Variants in ARMCX4 observed in about 807,000 individuals in gnomAD.
ARMCX4 encodes armadillo repeat-containing X-linked protein 4.
A neutral mutation model predicts 34.7 loss-of-function variants in ARMCX4; 3 were observed. The ratio of observed to expected loss-of-function variants is 0.09; its 90% CI spans 0.04 to 0.22. The LOEUF (loss-of-function observed/expected upper bound fraction) is 0.22. ARMCX4 is among the 10% of genes least tolerant of loss of function. The probability of loss-of-function intolerance (pLI) is 1.00; values close to 1 mark genes in which losing one functional copy is unlikely to be tolerated. For missense variants in ARMCX4, 1,448 were observed against 1,720.8 expected (o/e 0.84, Z 2.81); for synonymous variants, 513 against 632.8 (o/e 0.81, Z 2.84).
chrX:101,525,785 G>A (rs1324340713), intron 11 of ARMCX4, among the ~76,000 whole-genome samples: 1 of 111,285 alleles, frequency 9.0e-6, no homozygotes, highest in East Asian at 2.8e-4. Flanking sequence ...GAAGTGAGAA[G>A]AGAAGTTCAG....
In ARMCX4 at chrX:101,492,425, C is replaced by T. The variant is rs1556009732; in HGVS notation, c.3836C>T (p.Ala1279Val). 8.7e-7 allele frequency: 1 copy of T among 1,152,104 alleles called. No homozygotes were observed. Among genetic ancestry groups the T allele is most frequent in the African/African-American group, 1.8e-5 (1 of 55,044 alleles). The allele number at this position is 1,152,104 out of a possible 1,213,427, so 94.9% of individuals were successfully genotyped here. ...AENQASEGSWAGAGAGNMSSV... is the reference protein window; with the variant it reads ...AENQASEGSWVGAGAGNMSSV... ...AACCAAGCCAGTGAAGGGTCTTGGGCTGGAGCTGGGGCTGGGAATATGAGT... is the reference window on the plus strand; with the variant it reads ...AACCAAGCCAGTGAAGGGTCTTGGGTTGGAGCTGGGGCTGGGAATATGAGT... Residue 1279 changes from alanine (A) to valine (V), a missense_variant, in exon 6 of 6, where the codon GCT becomes GTT. Transcript: ENST00000423738.
downstream of ARMCX4, among the ~76,000 whole-genome samples, chrX:101,446,320 G>A (rs925875690): frequency 9.0e-6 from 1 of 110,738 alleles, no homozygotes; most frequent in African/African-American, 3.3e-5. Context: ...AATTTTACCT[G>A]TAAGCTATGC....
chrX:101,425,193 C>A (rs976614764), intron 2 of ARMCX4, among the ~76,000 whole-genome samples: 1 of 111,536 alleles, frequency 9.0e-6, no homozygotes, highest in Non-Finnish European at 1.9e-5. Context: ...AAGAAAGAAA[C>A]TGTTTCAAGA....
At chrX:101,505,437 G>A (rs1556014916) in intron 8 of ARMCX4, 1 of 111,871 alleles carries the variant, frequency 8.9e-6, no homozygotes, top group East Asian at 2.8e-4. Context: ...CTAAGACACT[G>A]TGGGACTTCC....
Position 101,489,327 on chromosome X carries a change from T to C in ARMCX4, c.738T>C (p.Ala246=), listed in dbSNP as rs987317859. 4.3e-6 allele frequency: 5 copies of C among 1,153,878 alleles called. No individual in the cohort carries two copies. The highest frequency in any genetic ancestry group is 4.7e-4 in the Middle Eastern group (2 of 4,300). ...CTCTGGAAGAGACTGTGAGTGTGGC[T>C]AAGACTCAGTCTGAGGCCAGGCCTG... ...TRALEETVSV[A]KTQSEARPGA... Residue 246 remains alanine, a synonymous_variant, in exon 6 of 6, where the codon GCT becomes GCC. Coordinates refer to ENST00000423738, the MANE Select transcript of ARMCX4 (RefSeq NM_001256155.3).
chrX:101,432,987 CAT>C (rs199677881), intron 2 of ARMCX4, among the ~76,000 whole-genome samples: 440 of 39,597 alleles, frequency 0.011, 13 homozygotes, highest in African/African-American at 0.026. Flanking sequence ...TATATACACA[CAT>C]GTATACATAT....
chrX:101,508,505 A>G (rs1163131678), intron 8 of ARMCX4, among the ~76,000 whole-genome samples: 2 of 110,835 alleles, frequency 1.8e-5, no homozygotes, highest in East Asian at 5.7e-4. Flanking sequence ...AAGGACACCA[A>G]TCCTATCAGA....
intron 11 of ARMCX4, among the ~76,000 whole-genome samples, chrX:101,521,285 G>T (rs187247593): frequency 7.2e-5 from 8 of 111,432 alleles, no homozygotes; most frequent in African/African-American, 2.6e-4. Context: ...TCTTTAGTCA[G>T]TTTTGGTAAT....
intron 4 of ARMCX4, among the ~76,000 whole-genome samples, chrX:101,466,287 C>T (rs1448284041): frequency 8.9e-6 from 1 of 111,942 alleles, no homozygotes; most frequent in Admixed American, 9.5e-5. Context: ...TCATATGATT[C>T]TAGTGGGAAT....
chrX:101,490,572 G>GGAA lies in ARMCX4; in HGVS notation c.1985_1987dup (p.Glu662dup). 1.7e-6 allele frequency: 2 copies of GGAA among 1,156,261 alleles called. No individual in the cohort carries two copies. The highest frequency in any genetic ancestry group is 2.3e-6 in the Non-Finnish European group (2 of 872,990). On this transcript the variant is annotated inframe_insertion, in exon 6 of 6. Transcript: ENST00000423738. The stretch of plus-strand genomic sequence containing the variant: ...ATGTTGTGCTTAAGGCAGAAGTTGG[G>GGAA]GAAGGTGCAATGGGCACTGCCCAGC...
intron 3 of ARMCX4, among the ~76,000 whole-genome samples, chrX:101,444,868 C>G (rs1353629904): frequency 9.0e-6 from 1 of 111,345 alleles, no homozygotes; most frequent in African/African-American, 3.3e-5. Flanking sequence ...GATCTACTCT[C>G]TTAGCAAATT....
At chrX:101,438,743 T>C (rs1286632466) in intron 2 of ARMCX4, among the ~76,000 whole-genome samples, 1 of 111,603 alleles carries the variant, frequency 9.0e-6, no homozygotes, top group Non-Finnish European at 1.9e-5. Flanking sequence ...TTTGTCTCTT[T>C]TGATCTTTGT....
At chrX:101,459,460 A>G (rs1556000906) in intron 4 of ARMCX4, among the ~76,000 whole-genome samples, 1 of 111,810 alleles carries the variant, frequency 8.9e-6, no homozygotes, top group Non-Finnish European at 1.9e-5. Context: ...GATGCTATCT[A>G]TAATAGCTAT....
At chrX:101,487,134 A>G (rs1485032712) in intron 2 of ARMCX4, 59 bp from the exon 3 acceptor site, 1 of 100,997 alleles carries the variant, frequency 9.9e-6, no homozygotes, top group Non-Finnish European at 2.0e-5. Context: ...TATGTCTTAG[A>G]TGGTAAGTGT....
Position 101,489,447 on chromosome X carries a change from C to G in ARMCX4, c.858C>G (p.Thr286=). The G allele has an allele frequency of 8.7e-7, 1 of 1,155,257 alleles. No homozygotes were observed. The highest frequency in any genetic ancestry group is 1.1e-6 in the Non-Finnish European group (1 of 872,494). Residue 286 remains threonine, a synonymous_variant, in exon 6 of 6, where the codon ACC becomes ACG. Transcript: ENST00000423738. ...MKSCAQSQAV[T]KIQGDDMPGT... The stretch of plus-strand genomic sequence containing the variant: ...CCTGTGCACAGTCTCAGGCTGTGAC[C>G]AAGATCCAGGGTGATGACATGCCTG...
intron 4 of ARMCX4, among the ~76,000 whole-genome samples, chrX:101,457,787 G>C (rs782446010): frequency 9.1e-6 from 1 of 110,343 alleles, no homozygotes; most frequent in South Asian, 4.0e-4. Context: ...CTGTTGCCCA[G>C]GCTGAAGTGC....
intron 11 of ARMCX4, among the ~76,000 whole-genome samples, chrX:101,514,042 C>G (rs1934655576): frequency 9.0e-6 from 1 of 111,298 alleles, no homozygotes; most frequent in Non-Finnish European, 1.9e-5. Flanking sequence ...AGACCAATAA[C>G]CCCAGCTAGT....
intron 8 of ARMCX4, among the ~76,000 whole-genome samples, chrX:101,505,822 T>G: frequency 8.9e-6 from 1 of 112,320 alleles, no homozygotes; most frequent in Non-Finnish European, 1.9e-5. Context: ...ATTACCACCA[T>G]TCATCTCCAG....
intron 2 of ARMCX4, among the ~76,000 whole-genome samples, chrX:101,431,595 G>C (rs1394687052): frequency 9.0e-6 from 1 of 111,478 alleles, no homozygotes; most frequent in African/African-American, 3.3e-5. Context: ...CCAGGCTGGA[G>C]TGCAGTGGCA....
Sources: allele counts gnomAD v4.1 joint callset (sites outside exome capture counted in the v4.1 genomes callset), GRCh38; gene constraint gnomAD v4.1.1; transcripts MANE v1.5; gene names NCBI Gene and HGNC (gene_info 2026-07-23, HGNC 2026-07-21).